Variants in STARD13 observed in about 807,000 individuals in gnomAD.
STARD13 encodes the protein StAR related lipid transfer domain containing 13.
In STARD13, 62 loss-of-function variants were observed where a neutral mutation model predicts 106.4. That is an observed-to-expected ratio of 0.58 (90% CI 0.48 to 0.72). The LOEUF (loss-of-function observed/expected upper bound fraction) is 0.72, where lower values mean the gene tolerates loss of function less well. STARD13 is among the 30% of genes least tolerant of loss of function. The probability of loss-of-function intolerance (pLI) is 0.00; values close to 1 mark genes in which losing one functional copy is unlikely to be tolerated. For synonymous variants in STARD13, 565 were observed against 553.0 expected (o/e 1.02, Z -0.31); for missense variants, 1,387 against 1,424.0 (o/e 0.97, Z 0.42).
chr13:33,452,497 A>G, the STARD13 span, among the ~76,000 whole-genome samples: 1 of 152,204 alleles, frequency 6.6e-6, no homozygotes, highest in African/African-American at 2.4e-5. Flanking sequence ...TTCTGTCCTC[A>G]TGCAAATGTG....
At chr13:33,138,549 A>T (rs185221512) in intron 4 of STARD13, 1 of 174,876 alleles carries the variant, frequency 5.7e-6, no homozygotes, top group Admixed American at 6.3e-5. Flanking sequence ...TTTACACTGG[A>T]AACAGGAACC....
chr13:33,474,293 A>G, the STARD13 span, among the ~76,000 whole-genome samples: 2 of 152,156 alleles, frequency 1.3e-5, no homozygotes, highest in Non-Finnish European at 2.9e-5. Flanking sequence ...TTTAAAAATC[A>G]AACTGCCATG....
chr13:33,506,256 T>C, the STARD13 span, among the ~76,000 whole-genome samples: 3 of 152,174 alleles, frequency 2.0e-5, no homozygotes, highest in Non-Finnish European at 1.5e-5. Flanking sequence ...AGGAAAAGCA[T>C]GTGTGATTGA....
At chr13:33,609,105 A>AAAG in the STARD13 span, among the ~76,000 whole-genome samples, 13 of 133,156 alleles carry the variant, frequency 9.8e-5, no homozygotes, top group Non-Finnish European at 1.8e-4. Context: ...AAAAAAAAAA[A>AAAG]AAATATTGAT....
the STARD13 span, among the ~76,000 whole-genome samples, chr13:33,533,364 T>C: frequency 6.6e-6 from 1 of 152,200 alleles, no homozygotes; most frequent in Non-Finnish European, 1.5e-5. Flanking sequence ...GGTAAGATTA[T>C]GAAGCTATGT....
downstream of STARD13, chr13:33,348,518 A>G (rs115333624): frequency 8.9e-3 from 1,359 of 152,626 alleles, 15 homozygotes; most frequent in African/African-American, 0.03. Context: ...GCCTCCTGGA[A>G]TGACTTCTTG....
At chr13:33,648,756 A>G in the STARD13 span, among the ~76,000 whole-genome samples, 9 of 121,082 alleles carry the variant, frequency 7.4e-5, no homozygotes, top group Admixed American at 4.7e-4. Flanking sequence ...AATAGTTTTT[A>G]TGATGCTCTT....
At chr13:33,144,136 A>C (rs1880217693) in intron 3 of STARD13, among the ~76,000 whole-genome samples, 1 of 152,206 alleles carries the variant, frequency 6.6e-6, no homozygotes, top group Non-Finnish European at 1.5e-5. Flanking sequence ...AACATAAATT[A>C]GACTCAAGTG....
At chr13:33,213,601 A>G (rs1469543582) in intron 1 of STARD13, among the ~76,000 whole-genome samples, 1 of 152,238 alleles carries the variant, frequency 6.6e-6, no homozygotes, top group Admixed American at 6.5e-5. Context: ...GCCGCAGACC[A>G]GGGAAAGTCA....
At chr13:33,518,272 A>C in the STARD13 span, among the ~76,000 whole-genome samples, 1 of 152,164 alleles carries the variant, frequency 6.6e-6, no homozygotes, top group Non-Finnish European at 1.5e-5. Flanking sequence ...ATCTGTTAAA[A>C]ATGAAGATAC....
chr13:33,250,209 T>A (rs1890029183), intron 1 of STARD13, among the ~76,000 whole-genome samples: 1 of 152,158 alleles, frequency 6.6e-6, no homozygotes, highest in Non-Finnish European at 1.5e-5. Context: ...TCTCTGAAAA[T>A]TCTGAGCAGT....
the STARD13 span, among the ~76,000 whole-genome samples, chr13:33,419,486 C>T: frequency 1.3e-5 from 2 of 151,974 alleles, no homozygotes; most frequent in African/African-American, 4.8e-5. Context: ...ACCAAATCTA[C>T]ATTTGATTGG....
rs144437875 is a variant in STARD13, at chr13:33,216,287, C to T, written c.170-48665G>A. 8.3e-3 allele frequency among the ~76,000 whole-genome samples: 1,258 copies of T among 152,196 alleles called. 23 individuals carry two copies. The highest frequency in any genetic ancestry group is 0.029 in the African/African-American group (1,186 of 41,530). On this transcript the variant is annotated intron_variant, in intron 1 of 13. Transcript: ENST00000336934. ...TATGCATGTTTATAGCAGCAAAATT[C>T]GCAATTGCAAAAATGTGGAACCAAC...
chr13:33,168,123 GA>G (rs1883546829), intron 1 of STARD13, among the ~76,000 whole-genome samples: 1 of 151,300 alleles, frequency 6.6e-6, no homozygotes, highest in African/African-American at 2.4e-5. Flanking sequence ...ATTTTCTCAT[GA>G]AAAAAAGCTA....
chr13:33,211,397 A>G (rs1887706990), intron 1 of STARD13, among the ~76,000 whole-genome samples: 1 of 152,162 alleles, frequency 6.6e-6, no homozygotes. Flanking sequence ...AGTCACTATT[A>G]ACAGTTTGGT....
chr13:33,599,387 C>A, the STARD13 span, among the ~76,000 whole-genome samples: 1 of 152,180 alleles, frequency 6.6e-6, no homozygotes, highest in Admixed American at 6.5e-5. Flanking sequence ...ACCATAACAA[C>A]AATCTTTACC....
At chr13:33,193,563 G>A (rs9596933) in intron 1 of STARD13, among the ~76,000 whole-genome samples, 30,721 of 152,104 alleles carry the variant, frequency 0.2, 3,264 homozygotes, top group East Asian at 0.29. Flanking sequence ...TAGAAGCTTA[G>A]AACACAACCA....
intron 1 of STARD13, among the ~76,000 whole-genome samples, chr13:33,243,857 T>G (rs756918944): frequency 6.6e-6 from 1 of 152,114 alleles, no homozygotes; most frequent in Non-Finnish European, 1.5e-5. Flanking sequence ...AGCACTGGTT[T>G]AAAGGTGGAA....
At chr13:33,411,046 T>C in the STARD13 span, among the ~76,000 whole-genome samples, 41 of 152,236 alleles carry the variant, frequency 2.7e-4, no homozygotes, top group Non-Finnish European at 4.7e-4. Flanking sequence ...AATCCTACCA[T>C]TACAGTCCCT....
Sources: allele counts gnomAD v4.1 joint callset (sites outside exome capture counted in the v4.1 genomes callset), GRCh38; gene constraint gnomAD v4.1.1; transcripts MANE v1.5; gene names NCBI Gene and HGNC (gene_info 2026-07-23, HGNC 2026-07-21).